The following SLC9C1 variants were observed in gnomAD, a reference collection of about 807,000 sequenced individuals.
The protein encoded by SLC9C1 is sodium/hydrogen exchanger 10.
A neutral mutation model predicts 140.9 loss-of-function variants in SLC9C1; 97 were observed. The observed-to-expected ratio is 0.69, with a 90% CI of 0.58 to 0.82. The LOEUF (loss-of-function observed/expected upper bound fraction) is 0.82, where lower values mean the gene tolerates loss of function less well. Among genes scored for constraint, SLC9C1 ranks in the 40% least tolerant of loss-of-function variants. The pLI is 0.00. For missense variants in SLC9C1, 1,340 were observed against 1,389.3 expected (o/e 0.96, Z 0.56); for synonymous variants, 440 against 442.6 (o/e 0.99, Z 0.07).
chr3:112,182,121 TA>T lies in SLC9C1; in HGVS notation c.2649+11del. 1 of 1,483,076 alleles carries T rather than the reference TA, an allele frequency of 6.7e-7. No homozygotes were observed. The highest frequency in any genetic ancestry group is 9.0e-7 in the Non-Finnish European group (1 of 1,107,372). 91.9% of individuals were successfully genotyped at this position (1,483,076 alleles called of 1,614,324 possible). A position where few individuals can be genotyped will look rare whatever the true frequency, so the allele number is the denominator to read the frequency against. ...CATTAAAAATATTATTAATAGGAAA[TA>T]AAAGTGTTACCTGAATGAAGTTTAT... On this transcript the variant is annotated intron_variant, in intron 21 of 28. Transcript: ENST00000305815.
chr3:112,165,398 G>T (rs1303188366), intron 26 of SLC9C1, among the ~76,000 whole-genome samples: 1 of 152,104 alleles, frequency 6.6e-6, no homozygotes, highest in Non-Finnish European at 1.5e-5. Flanking sequence ...CATCTTTGTG[G>T]TTTTATCTAC....
At chr3:112,154,665 C>G (rs2075078292) in intron 27 of SLC9C1, among the ~76,000 whole-genome samples, 1 of 152,118 alleles carries the variant, frequency 6.6e-6, no homozygotes, top group Admixed American at 6.6e-5. Context: ...AAGGGTCAGT[C>G]CAGATTTTGG....
rs748437801 is a variant in SLC9C1, at chr3:112,274,993, C to T, written c.517G>A (p.Gly173Arg). The change falls in exon 6 of 29, where the codon GGA becomes AGA. Residue 173 changes from glycine (G) to arginine (R), a missense_variant. Physicochemically the swap from Gly to Arg is moderately radical, Grantham distance 125 (BLOSUM62 -2). Transcript: ENST00000305815. Reference sequence around the variant, plus strand: ...ATAACAGAGGTCATCAGACTTTCTCCATTAATTAAACTGATGAGGCTTCTA... The same window carrying T: ...ATAACAGAGGTCATCAGACTTTCTCTATTAATTAAACTGATGAGGCTTCTA... ...LSRSLISLIN[G>R]ESLMTSVISL... 6.3e-7 allele frequency: 1 copy of T among 1,577,964 alleles called. No homozygotes were observed. The highest frequency in any genetic ancestry group is 1.4e-5 in the African/African-American group (1 of 72,554).
intron 10 of SLC9C1, among the ~76,000 whole-genome samples, chr3:112,249,033 C>T (rs2108249928): frequency 6.6e-6 from 1 of 152,194 alleles, no homozygotes; most frequent in African/African-American, 2.4e-5. Flanking sequence ...TTCCAGCTCT[C>T]AAGGGGAATG....
chr3:112,263,927 TACTTA>T (rs1470099825), intron 9 of SLC9C1, among the ~76,000 whole-genome samples: 2 of 151,852 alleles, frequency 1.3e-5, no homozygotes, highest in Non-Finnish European at 2.9e-5. Context: ...TTATAATAGG[TACTTA>T]ACTTCATGAA....
intron 12 of SLC9C1, among the ~76,000 whole-genome samples, 177 bp downstream of exon 12, chr3:112,239,663 C>T (rs4682379): frequency 0.29 from 44,563 of 152,096 alleles, 6,721 homozygotes; most frequent in East Asian, 0.36. Context: ...CTTTGCCCCA[C>T]AGTGATCATG....
At chr3:112,194,685 T>C (rs2077733262) in intron 20 of SLC9C1, among the ~76,000 whole-genome samples, 3 of 152,240 alleles carry the variant, frequency 2.0e-5, no homozygotes, top group African/African-American at 7.2e-5. Context: ...ATTCTAATTT[T>C]AACTTTTTTG....
At chr3:112,204,454 A>G (rs920757202) in intron 16 of SLC9C1, 51 bp from the exon 17 acceptor site, 5 of 1,509,266 alleles carry the variant, frequency 3.3e-6, no homozygotes, top group African/African-American at 1.4e-5. Flanking sequence ...TGCTTTTACT[A>G]CACCATTTTC....
intron 13 of SLC9C1, among the ~76,000 whole-genome samples, chr3:112,222,468 A>C (rs1308140156): frequency 1.2e-4 from 19 of 152,192 alleles, no homozygotes; most frequent in Non-Finnish European, 1.5e-5. Flanking sequence ...ATCAATGATC[A>C]AAATATAATA....
chr3:112,142,328 G>C (rs2107830016), intron 28 of SLC9C1, among the ~76,000 whole-genome samples: 1 of 152,180 alleles, frequency 6.6e-6, no homozygotes, highest in South Asian at 2.1e-4. Context: ...TTTCTCCATT[G>C]TTAGGTATTG....
At chr3:112,293,112 CAAAAAAA>C (rs58937356) in intron 1 of SLC9C1, among the ~76,000 whole-genome samples, 6 of 128,994 alleles carry the variant, frequency 4.7e-5, no homozygotes, top group African/African-American at 8.8e-5. Context: ...ACTAAAAATA[CAAAAAAA>C]AAAAAAAAAA....
chr3:112,182,993 CTTTA>C (rs1369499104), intron 20 of SLC9C1, among the ~76,000 whole-genome samples: 5 of 152,150 alleles, frequency 3.3e-5, no homozygotes, highest in Non-Finnish European at 2.9e-5. Flanking sequence ...GATACCACAG[CTTTA>C]TTTATCTACT....
chr3:112,168,747 T>A, intron 25 of SLC9C1, 130 bp downstream of exon 25: 1 of 849,746 alleles, frequency 1.2e-6, no homozygotes. Flanking sequence ...TGAGTGTTTA[T>A]GGAGTGGTGG....
chr3:112,193,857 G>A (rs1228307423), intron 20 of SLC9C1, among the ~76,000 whole-genome samples: 1 of 152,086 alleles, frequency 6.6e-6, no homozygotes, highest in Non-Finnish European at 1.5e-5. Flanking sequence ...GGAATTGTGG[G>A]TGGTGGGGGT....
intron 26 of SLC9C1, among the ~76,000 whole-genome samples, chr3:112,156,098 T>C (rs916538143): frequency 2.6e-5 from 4 of 152,104 alleles, no homozygotes; most frequent in African/African-American, 9.7e-5. Context: ...ACTAGAACTT[T>C]TCCCCTCTAA....
chr3:112,238,484 T>G (rs1347615803), intron 12 of SLC9C1, among the ~76,000 whole-genome samples: 1 of 152,212 alleles, frequency 6.6e-6, no homozygotes, highest in Non-Finnish European at 1.5e-5. Context: ...GTCCAGCTTT[T>G]TTCTGTTGCT....
At chr3:112,149,048 G>A (rs1274479190) in intron 28 of SLC9C1, among the ~76,000 whole-genome samples, 1 of 152,024 alleles carries the variant, frequency 6.6e-6, no homozygotes, top group African/African-American at 2.4e-5. Flanking sequence ...CTGCACAGGA[G>A]GGGTAGGGTG....
At chr3:112,203,672 T>G (rs771824056) in intron 17 of SLC9C1, among the ~76,000 whole-genome samples, 11 of 152,002 alleles carry the variant, frequency 7.2e-5, no homozygotes, top group Non-Finnish European at 1.5e-4. Context: ...TATACTTATT[T>G]GTGGAGGAGT....
At chr3:112,285,580 C>A (rs2080485789) in intron 2 of SLC9C1, among the ~76,000 whole-genome samples, 1 of 152,098 alleles carries the variant, frequency 6.6e-6, no homozygotes. Context: ...AGTCACAGAA[C>A]AATCATAAAT....
Sources: gnomAD v4.1 joint callset for allele counts (sites outside exome capture counted in the v4.1 genomes callset) on GRCh38, gnomAD v4.1.1 for gene constraint, MANE v1.5 for transcripts, NCBI Gene and HGNC (gene_info 2026-07-23, HGNC 2026-07-21) for gene names.